The following ZBTB20 variants were observed in gnomAD, a reference collection of about 807,000 sequenced individuals.
The protein encoded by ZBTB20 is zinc finger and BTB domain containing 20.
ZBTB20 carries 9 observed loss-of-function variants against 56.9 expected under a neutral mutation model. That is an observed-to-expected ratio of 0.16 (90% CI 0.10 to 0.28). The LOEUF (loss-of-function observed/expected upper bound fraction) is 0.28, where lower values mean the gene tolerates loss of function less well. ZBTB20 is among the 10% of genes least tolerant of loss of function. The probability of loss-of-function intolerance (pLI) is 1.00; values close to 1 mark genes in which losing one functional copy is unlikely to be tolerated. For missense variants in ZBTB20, 655 were observed against 1,003.0 expected, an observed-to-expected ratio of 0.65 and a Z score of 4.69; for synonymous variants, 417 against 420.7, an observed-to-expected ratio of 0.99 and a Z score of 0.11.
chr3:114,673,295 C>T lies in ZBTB20; in HGVS notation c.-295+20233G>A, dbSNP rs535443071. Among the ~76,000 whole-genome samples the T allele has an allele frequency of 5.9e-5, 9 of 152,068 alleles. No homozygotes were observed. In the South Asian group the frequency reaches 1.0e-3, roughly 18 times the overall value. ...AGCACTGTGACACAGGCAGTACTTC[C>T]GTAGAATTTCATTTATGTGACTGTA... is the stretch of plus-strand genomic sequence containing the variant. On this transcript the variant is annotated intron_variant, in intron 6 of 11. Coordinates refer to ENST00000675478, the MANE Select transcript of ZBTB20 (RefSeq NM_001348800.3).
At position 114,996,740 on chromosome 3, in the gene ZBTB20, G is replaced by C. The variant is rs144219962; in HGVS notation, c.-506-22324C>G. On this transcript the variant is annotated intron_variant, in intron 2 of 11. Transcript: ENST00000675478. ...TTATAATCCTTTGGGTATATACCCA[G>C]TAATGGGATTCCTAGATCATGTGGT... 4.8e-3 allele frequency among the ~76,000 whole-genome samples: 735 copies of C among 151,984 alleles called. 4 individuals are homozygous for C. The highest frequency in any genetic ancestry group is 0.013 in the South Asian group (65 of 4,820).
chr3:114,826,887 T>C (rs2073556270), intron 4 of ZBTB20, among the ~76,000 whole-genome samples: 1 of 151,704 alleles, frequency 6.6e-6, no homozygotes, highest in African/African-American at 2.4e-5. Flanking sequence ...TGAAAGAATA[T>C]TGAAACCTCC....
At chr3:114,992,051 T>C (rs1409877395) in intron 2 of ZBTB20, among the ~76,000 whole-genome samples, 1 of 151,958 alleles carries the variant, frequency 6.6e-6, no homozygotes, top group Non-Finnish European at 1.5e-5. Flanking sequence ...TAATAATCTC[T>C]CTCTCCACCT....
chr3:114,885,081 C>T (rs919678632), intron 4 of ZBTB20, among the ~76,000 whole-genome samples: 4 of 152,096 alleles, frequency 2.6e-5, no homozygotes, highest in Non-Finnish European at 4.4e-5. Flanking sequence ...ATTTTTAATC[C>T]ATTCCCAAAT....
At chr3:115,003,795 T>C (rs969996847) in intron 2 of ZBTB20, among the ~76,000 whole-genome samples, 1 of 151,674 alleles carries the variant, frequency 6.6e-6, no homozygotes, top group Admixed American at 6.6e-5. Context: ...AAGATAAATA[T>C]GTAGCTGAAT....
chr3:114,813,348 A>G (rs916055583), intron 4 of ZBTB20, among the ~76,000 whole-genome samples: 1 of 152,184 alleles, frequency 6.6e-6, no homozygotes, highest in Non-Finnish European at 1.5e-5. Context: ...GTGGAATGGT[A>G]TTTTTCCAGC....
chr3:114,859,303 C>T (rs546005661), intron 4 of ZBTB20, among the ~76,000 whole-genome samples: 1 of 147,580 alleles, frequency 6.8e-6, no homozygotes, highest in South Asian at 2.2e-4. Context: ...TTCCTTCTTT[C>T]CTTCCTTCCT....
chr3:114,374,799 A>G (rs2083425999), intron 10 of ZBTB20, among the ~76,000 whole-genome samples: 1 of 152,198 alleles, frequency 6.6e-6, no homozygotes, highest in Non-Finnish European at 1.5e-5. Context: ...TTTTTGGCAC[A>G]CCAAACAGAG....
At position 114,334,578 on chromosome 3, in the gene ZBTB20, T is replaced by G. The variant is rs979075045; in HGVS notation, c.*4427A>C. The G allele has an allele frequency of 1.3e-5, 2 of 152,164 alleles. 1 individual carries two copies. The highest frequency in any genetic ancestry group is 4.1e-4 in the South Asian group (2 of 4,828). 9.4% of individuals were successfully genotyped at this position (152,164 alleles called of 1,614,324 possible). On this transcript the variant is annotated 3_prime_UTR_variant, in exon 12 of 12. Coordinates refer to ENST00000675478, the MANE Select transcript of ZBTB20 (RefSeq NM_001348800.3). ...TCACAAATTCTTACTGTTCATGGGTTGAAAAAGAGTATTTGGGACCTTATA... is the reference window on the plus strand; with the variant it reads ...TCACAAATTCTTACTGTTCATGGGTGGAAAAAGAGTATTTGGGACCTTATA...
At chr3:114,779,287 C>T (rs2069876950) in intron 5 of ZBTB20, among the ~76,000 whole-genome samples, 1 of 152,174 alleles carries the variant, frequency 6.6e-6, no homozygotes, top group African/African-American at 2.4e-5. Flanking sequence ...TACAGGTACT[C>T]TTTATTTGTT....
intron 5 of ZBTB20, among the ~76,000 whole-genome samples, chr3:114,780,441 A>G (rs1243015531): frequency 6.6e-6 from 1 of 152,206 alleles, no homozygotes; most frequent in African/African-American, 2.4e-5. Context: ...ATATATATCC[A>G]TGTCATTGCT....
At chr3:114,704,577 C>T (rs1273606810) in intron 5 of ZBTB20, among the ~76,000 whole-genome samples, 2 of 152,084 alleles carry the variant, frequency 1.3e-5, no homozygotes, top group African/African-American at 4.8e-5. Context: ...AACAACAGCC[C>T]TGTCTGCCAT....
chr3:114,814,510 C>G (rs892025139), intron 4 of ZBTB20, among the ~76,000 whole-genome samples: 4 of 152,022 alleles, frequency 2.6e-5, no homozygotes, highest in African/African-American at 9.7e-5. Flanking sequence ...TTTGTGGTGA[C>G]TTTAGTTTTC....
chr3:114,859,277 TTC>T (rs2075391786), intron 4 of ZBTB20, among the ~76,000 whole-genome samples: 1 of 139,824 alleles, frequency 7.2e-6, no homozygotes, highest in Non-Finnish European at 1.6e-5. Flanking sequence ...CCATTCTTCC[TTC>T]CTTCCTTTCT....
At position 114,326,180 on chromosome 3, in the gene ZBTB20, T is replaced by C. The variant is rs1006564752; in HGVS notation, c.*12825A>G. ...GCACCCCTTCCTTTTCTTTCCTGGG[T>C]ATCTTGCAGTAGATATTAATTAGAA... On this transcript the variant is annotated 3_prime_UTR_variant, in exon 12 of 12. Coordinates refer to ENST00000675478, the MANE Select transcript of ZBTB20 (RefSeq NM_001348800.3). The C allele has an allele frequency of 6.6e-6, 1 of 152,206 alleles. No individual in the cohort carries two copies. The highest frequency in any genetic ancestry group is 2.4e-5 in the African/African-American group (1 of 41,454). 9.4% of individuals were successfully genotyped at this position (152,206 alleles called of 1,614,324 possible).
At chr3:115,009,906 G>A (rs931396868) in intron 2 of ZBTB20, among the ~76,000 whole-genome samples, 1 of 151,900 alleles carries the variant, frequency 6.6e-6, no homozygotes, top group Non-Finnish European at 1.5e-5. Flanking sequence ...ACATTACCCA[G>A]TCTGTGGTAT....
rs544399525 is a variant in ZBTB20 at position 115,107,964 on chromosome 3, C to T, written c.-702-36550G>A. 4.6e-5 allele frequency among the ~76,000 whole-genome samples: 7 copies of T among 152,174 alleles called. No homozygotes were observed. In the South Asian group the frequency reaches 1.5e-3, roughly 32 times the overall value. On this transcript the variant is annotated intron_variant, in intron 1 of 11. Coordinates refer to ENST00000675478, the MANE Select transcript of ZBTB20 (RefSeq NM_001348800.3). ...GAACACATGGACACAGGGAGAGGAACGACACACACCAGGGCCTGTCGGCGG... is the reference window on the plus strand; with the variant it reads ...GAACACATGGACACAGGGAGAGGAATGACACACACCAGGGCCTGTCGGCGG...
intron 5 of ZBTB20, among the ~76,000 whole-genome samples, chr3:114,706,784 G>A (rs2063744110): frequency 6.6e-6 from 1 of 152,084 alleles, no homozygotes; most frequent in Admixed American, 6.6e-5. Flanking sequence ...CATCTGCTGA[G>A]ATAACAAGGG....
intron 6 of ZBTB20, among the ~76,000 whole-genome samples, chr3:114,591,380 C>T (rs17674308): frequency 0.16 from 23,690 of 152,166 alleles, 2,063 homozygotes; most frequent in Admixed American, 0.26. Context: ...CTTCTAGATG[C>T]TATTTTTCCC....
Sources: gnomAD v4.1 joint callset for allele counts (sites outside exome capture counted in the v4.1 genomes callset) on GRCh38, gnomAD v4.1.1 for gene constraint, MANE v1.5 for transcripts, NCBI Gene and HGNC (gene_info 2026-07-23, HGNC 2026-07-21) for gene names.